The following SIK2 variants were observed in gnomAD, a reference collection of about 807,000 sequenced individuals.
The protein encoded by SIK2 is salt inducible kinase 2.
A neutral mutation model predicts 103.2 loss-of-function variants in SIK2; 29 were observed. The observed-to-expected ratio is 0.28, with a 90% CI of 0.21 to 0.38. The LOEUF (loss-of-function observed/expected upper bound fraction) is 0.38, where lower values mean the gene tolerates loss of function less well. Among genes scored for constraint, SIK2 ranks in the 10% least tolerant of loss-of-function variants. SIK2 has a pLI of 1.00. For missense variants in SIK2, 879 were observed against 1,171.0 expected (o/e 0.75, Z 3.64); for synonymous variants, 412 against 446.1 (o/e 0.92, Z 0.96).
chr11:111,603,706 A>G (rs1941613730), intron 1 of SIK2, among the ~76,000 whole-genome samples: 1 of 152,120 alleles, frequency 6.6e-6, no homozygotes. Flanking sequence ...ACCATTCTTT[A>G]GAATAAAACC....
intron 3 of SIK2, among the ~76,000 whole-genome samples, chr11:111,622,101 T>C (rs891957821): frequency 1.3e-5 from 2 of 152,094 alleles, no homozygotes; most frequent in African/African-American, 4.8e-5. Flanking sequence ...AGCTACCTTT[T>C]TCTTTAAACA....
At position 111,729,717 on chromosome 11, in the gene SIK2, C is replaced by G. The variant is rs971794277; in HGVS notation, c.*5588C>G. ...AGCACAGGGTGAATGTGATATTGTT[C>G]CCACAACCTTATTCTCCACTCAACA... On this transcript the variant is annotated 3_prime_UTR_variant, in exon 15 of 15. Coordinates refer to ENST00000304987, the MANE Select transcript of SIK2 (RefSeq NM_015191.3). The G allele has an allele frequency of 1.3e-5, 2 of 152,232 alleles. No individual in the cohort carries two copies. Among genetic ancestry groups the G allele is most frequent in the Non-Finnish European group, 2.9e-5 (2 of 68,064 alleles). The allele number at this position is 152,232 out of a possible 1,614,324, so 9.4% of individuals were successfully genotyped here.
intron 3 of SIK2, among the ~76,000 whole-genome samples, chr11:111,661,990 T>C (rs1368592835): frequency 1.3e-5 from 2 of 152,232 alleles, no homozygotes; most frequent in Admixed American, 6.5e-5. Context: ...CTCAAATTTC[T>C]TTAATCCTAT....
intron 9 of SIK2, among the ~76,000 whole-genome samples, chr11:111,718,348 T>C (rs1018348071): frequency 1.3e-5 from 2 of 152,228 alleles, no homozygotes; most frequent in African/African-American, 4.8e-5. Flanking sequence ...AAGGAAAGTT[T>C]ATCTGGGGAA....
chr11:111,661,641 C>T (rs1168194436), intron 3 of SIK2, among the ~76,000 whole-genome samples: 1 of 152,190 alleles, frequency 6.6e-6, no homozygotes, highest in African/African-American at 2.4e-5. Context: ...TAGGAAATAC[C>T]TGAGACTGGG....
chr11:111,717,910 G>T (rs1366718348), intron 9 of SIK2, among the ~76,000 whole-genome samples: 1 of 152,146 alleles, frequency 6.6e-6, no homozygotes, highest in Non-Finnish European at 1.5e-5. Flanking sequence ...ACACACTGGG[G>T]CCTGTTAGGG....
At chr11:111,697,878 C>T (rs1943115371) in intron 4 of SIK2, among the ~76,000 whole-genome samples, 1 of 152,070 alleles carries the variant, frequency 6.6e-6, no homozygotes, top group Admixed American at 6.6e-5. Flanking sequence ...GGCATGGTGG[C>T]GTGAGTCTAT....
At chr11:111,719,313 T>C (rs1353693477) in intron 9 of SIK2, among the ~76,000 whole-genome samples, 2 of 149,222 alleles carry the variant, frequency 1.3e-5, no homozygotes, top group African/African-American at 4.9e-5. Context: ...AACCTTCCAT[T>C]ATGTTTATGG....
intron 3 of SIK2, among the ~76,000 whole-genome samples, chr11:111,685,155 A>G (rs1425922302): frequency 6.6e-6 from 1 of 152,184 alleles, no homozygotes; most frequent in Non-Finnish European, 1.5e-5. Context: ...GTGGAGGACA[A>G]TTTTTCCCAG....
chr11:111,685,722 C>A (rs536202342), intron 3 of SIK2, among the ~76,000 whole-genome samples: 1 of 152,064 alleles, frequency 6.6e-6, no homozygotes, highest in Non-Finnish European at 1.5e-5. Context: ...TGGTGACATG[C>A]ATCTGTAGTC....
intron 1 of SIK2, among the ~76,000 whole-genome samples, chr11:111,606,188 A>G (rs550159994): frequency 6.6e-6 from 1 of 152,260 alleles, no homozygotes; most frequent in Non-Finnish European, 1.5e-5. Context: ...TCTCTTAAGT[A>G]AAATTCTAGA....
rs78360330 is a variant in SIK2, at chr11:111,653,940, A to AT, written c.316+33540dup. ...GTTTTACTTTGCTTTGTTCTATTTT[A>AT]TTGACCATTCTTTGACACTTGCCAT... is the stretch of plus-strand genomic sequence containing the variant. On this transcript the variant is annotated intron_variant, in intron 3 of 14. Transcript: ENST00000304987. 3.9e-5 allele frequency among the ~76,000 whole-genome samples: 6 copies of AT among 152,110 alleles called. No homozygotes were observed. In the East Asian group the frequency reaches 1.2e-3, roughly 29 times the overall value.
At chr11:111,646,960 TTTCTC>T (rs1942265487) in intron 3 of SIK2, among the ~76,000 whole-genome samples, 2 of 152,222 alleles carry the variant, frequency 1.3e-5, no homozygotes, top group East Asian at 1.9e-4. Flanking sequence ...TATGATTTCT[TTTCTC>T]TTGGTTGAAT....
intron 3 of SIK2, among the ~76,000 whole-genome samples, chr11:111,681,129 T>C (rs1942772413): frequency 6.6e-6 from 1 of 152,232 alleles, no homozygotes; most frequent in African/African-American, 2.4e-5. Context: ...ATTGGCAAAT[T>C]TGGAGATTAT....
chr11:111,602,709 G>A lies in SIK2; in HGVS notation c.135+11G>A. 3.3e-6 allele frequency: 5 copies of A among 1,497,974 alleles called. No individual in the cohort carries two copies. Among genetic ancestry groups the A allele is most frequent in the Non-Finnish European group, 4.5e-6 (5 of 1,121,578 alleles). 92.8% of individuals were successfully genotyped at this position (1,497,974 alleles called of 1,614,324 possible). ...ATCACCAAGACGGAGGTGCGGCCCG[G>A]GGCTCGGCGGGAGCGTCCGAGGCGA... On this transcript the variant is annotated intron_variant, in intron 1 of 14. Coordinates refer to ENST00000304987, the MANE Select transcript of SIK2 (RefSeq NM_015191.3). The surrounding 1 kb of genome is among the most constrained non-coding windows in gnomAD (Gnocchi z 4.5).
At chr11:111,629,931 A>G (rs1444437432) in intron 3 of SIK2, among the ~76,000 whole-genome samples, 1 of 152,230 alleles carries the variant, frequency 6.6e-6, no homozygotes, top group African/African-American at 2.4e-5. Context: ...TTAAACATGC[A>G]TATACCCCAT....
intron 4 of SIK2, among the ~76,000 whole-genome samples, chr11:111,694,335 T>C (rs1943020573): frequency 6.6e-6 from 1 of 152,220 alleles, no homozygotes; most frequent in Non-Finnish European, 1.5e-5. Flanking sequence ...TGCAACTTAA[T>C]TTTTTGCTGA....
rs536135092 is a variant in SIK2, at chr11:111,728,319, C to G, written c.*4190C>G. The G allele has an allele frequency of 2.0e-5, 3 of 151,286 alleles. No individual in the cohort carries two copies. Among genetic ancestry groups the G allele is most frequent in the Admixed American group, 2.0e-4 (3 of 15,200 alleles). The allele number at this position is 151,286 out of a possible 1,614,324, so 9.4% of individuals were successfully genotyped here. A position where few individuals can be genotyped will look rare whatever the true frequency, so the allele number is the denominator to read the frequency against. On this transcript the variant is annotated 3_prime_UTR_variant, in exon 15 of 15. Transcript: ENST00000304987. Reference sequence around the variant, plus strand: ...TTTTTTTTTTTTTGAGACAGAGTCTCGCTCTGTCACCCAGGCTGGAATGCA... The same window carrying G: ...TTTTTTTTTTTTTGAGACAGAGTCTGGCTCTGTCACCCAGGCTGGAATGCA...
At position 111,723,941 on chromosome 11, in the gene SIK2, T is replaced by G. The variant is rs202037562; in HGVS notation, c.2593T>G (p.Cys865Gly). 79 of 1,613,848 alleles carry G rather than the reference T, an allele frequency of 4.9e-5. No individual in the cohort carries two copies. The highest frequency in any genetic ancestry group is 1.0e-4 in the Admixed American group (6 of 59,990). Residue 865 changes from cysteine (C) to glycine (G), a missense_variant, in exon 15 of 15, where the codon TGT becomes GGT. By Grantham distance (159) the Cys-to-Gly change is radical. Transcript: ENST00000304987. ...ASPAPDYPTPCQYPVDGAQQS... is the reference protein window; with the variant it reads ...ASPAPDYPTPGQYPVDGAQQS... ...CCCTGCGCCAGACTATCCCACTCCC[T>G]GTCAGTATCCTGTGGATGGAGCCCA...
Sources: gnomAD v4.1 joint callset for allele counts (sites outside exome capture counted in the v4.1 genomes callset) on GRCh38, gnomAD v4.1.1 for gene constraint, Gnocchi (gnomAD v3.1) non-coding constraint, MANE v1.5 for transcripts, NCBI Gene and HGNC (gene_info 2026-07-23, HGNC 2026-07-21) for gene names.